Variants in RP1 observed in about 807,000 individuals in gnomAD.
RP1 encodes the protein oxygen-regulated protein 1.
Under a neutral mutation model 14.8 loss-of-function variants are expected in RP1, and 16 were observed. That is an observed-to-expected ratio of 1.08 (90% CI 0.73 to 1.65). RP1 has a LOEUF of 1.65. Ranked by LOEUF, RP1 falls within the 40% of genes most tolerant of loss-of-function variation. The pLI, the probability that RP1 is intolerant of heterozygous loss-of-function variation, is 0.00. For synonymous variants in RP1, 876 were observed against 883.6 expected (o/e 0.99, Z 0.15); for missense variants, 2,631 against 2,535.0 (o/e 1.04, Z -0.81).
intron 24 of RP1, among the ~76,000 whole-genome samples, chr8:54,796,933 C>T (rs1345613350): frequency 2.8e-4 from 43 of 152,224 alleles, no homozygotes; most frequent in Non-Finnish European, 2.9e-5. Flanking sequence ...AGCCATTTTA[C>T]TAATCTTGCT....
intron 1 of RP1, among the ~76,000 whole-genome samples, chr8:54,602,403 A>C (rs916056220): frequency 2.2e-4 from 34 of 152,326 alleles, no homozygotes; most frequent in African/African-American, 7.7e-4. Flanking sequence ...TCCAAGGTGT[A>C]TATGTGCCAC....
chr8:54,585,580 C>T lies in RP1; in HGVS notation c.-13+26260C>T, dbSNP rs552446621. On this transcript the variant is annotated intron_variant, in intron 1 of 22. Coordinates refer to the RP1 transcript ENST00000636932. ...TTGGGGCAGTTCTCCTGGATAATAT[C>T]CTGCAGAGTGTTTTCCAACTTGGTT... is the stretch of plus-strand genomic sequence containing the variant. Among the ~76,000 whole-genome samples, 313 of 152,310 alleles carry T rather than the reference C, an allele frequency of 2.1e-3. 2 individuals carry two copies. The highest frequency in any genetic ancestry group is 7.1e-3 in the African/African-American group (295 of 41,570).
chr8:54,815,771 A>C (rs1270017142), intron 24 of RP1, among the ~76,000 whole-genome samples: 1 of 152,198 alleles, frequency 6.6e-6, no homozygotes, highest in Non-Finnish European at 1.5e-5. Context: ...TTTTAAAAAT[A>C]GATGTCTGAC....
chr8:54,823,092 T>C (rs1490810863), intron 24 of RP1, among the ~76,000 whole-genome samples: 1 of 152,066 alleles, frequency 6.6e-6, no homozygotes, highest in Non-Finnish European at 1.5e-5. Context: ...ATCAGGTGTA[T>C]AGCACTCGTG....
chr8:54,713,006 G>A (rs1215895394), intron 15 of RP1, among the ~76,000 whole-genome samples: 1 of 151,942 alleles, frequency 6.6e-6, no homozygotes, highest in Non-Finnish European at 1.5e-5. Context: ...AAGGTAAATG[G>A]TAATGCATGG....
At chr8:54,695,417 A>G (rs1807835409) in intron 12 of RP1, among the ~76,000 whole-genome samples, 1 of 152,068 alleles carries the variant, frequency 6.6e-6, no homozygotes, top group African/African-American at 2.4e-5. Context: ...ATAAACTTTA[A>G]AATAAAGAAA....
downstream of RP1, among the ~76,000 whole-genome samples, chr8:54,634,343 C>T (rs538853121): frequency 6.6e-6 from 1 of 152,232 alleles, no homozygotes; most frequent in East Asian, 1.9e-4. Flanking sequence ...ATAAGAAATG[C>T]TGAAATGAAT....
intron 24 of RP1, chr8:54,783,712 TA>T: frequency 8.1e-7 from 1 of 1,229,372 alleles, no homozygotes; most frequent in Non-Finnish European, 1.0e-6. Context: ...ATATTCAAGG[TA>T]AAAATGATAC....
chr8:54,726,461 C>A (rs1006909794), exon 17 of RP1: 1 of 1,529,700 alleles, frequency 6.5e-7, no homozygotes, highest in Non-Finnish European at 8.7e-7. Context: ...GAGTCCCTTA[C>A]CTTCTTCAAC....
At chr8:54,677,507 G>T (rs1807318666) in intron 8 of RP1, among the ~76,000 whole-genome samples, 1 of 152,138 alleles carries the variant, frequency 6.6e-6, no homozygotes, top group African/African-American at 2.4e-5. Context: ...TGTGAGGATT[G>T]CTTGAGGCCA....
At chr8:54,574,484 C>T (rs1032323081) in intron 1 of RP1, among the ~76,000 whole-genome samples, 13 of 151,896 alleles carry the variant, frequency 8.6e-5, no homozygotes, top group African/African-American at 1.7e-4. Flanking sequence ...GATGGCATTC[C>T]GAGCAGAGGG....
chr8:54,696,935 T>C, intron 12 of RP1: 1 of 972,996 alleles, frequency 1.0e-6, no homozygotes, highest in South Asian at 1.3e-5. Flanking sequence ...CCTGGGGAAG[T>C]TTGACATCAT....
intron 15 of RP1, among the ~76,000 whole-genome samples, chr8:54,710,006 A>G (rs1808257596): frequency 1.3e-5 from 2 of 152,184 alleles, no homozygotes; most frequent in African/African-American, 4.8e-5. Context: ...TGGCCATGCC[A>G]TCAGGGCCCC....
At chr8:54,597,332 G>A (rs1272426833) in intron 1 of RP1, among the ~76,000 whole-genome samples, 4 of 152,090 alleles carry the variant, frequency 2.6e-5, no homozygotes, top group Non-Finnish European at 4.4e-5. Flanking sequence ...TTCATTTAAA[G>A]CATTAACATG....
At chr8:54,640,004 T>C (rs1198556389) in intron 3 of RP1, among the ~76,000 whole-genome samples, 2 of 152,144 alleles carry the variant, frequency 1.3e-5, no homozygotes, top group Non-Finnish European at 2.9e-5. Context: ...AAGTCTTATC[T>C]AAGAAATCTC....
At chr8:54,853,986 GAAGA>G (rs1006504574) in intron 26 of RP1, among the ~76,000 whole-genome samples, 1 of 150,092 alleles carries the variant, frequency 6.7e-6, no homozygotes, top group Non-Finnish European at 1.5e-5. Flanking sequence ...AGAAAGAAAG[GAAGA>G]AAGAAAGAAA....
At chr8:54,820,891 A>G (rs887039376) in intron 24 of RP1, among the ~76,000 whole-genome samples, 18 of 152,174 alleles carry the variant, frequency 1.2e-4, no homozygotes, top group African/African-American at 4.3e-4. Context: ...TCAGAAGAGT[A>G]AAAGAAGACA....
In RP1 at chr8:54,628,343, G is replaced by C. The variant is rs765053199; in HGVS notation, c.4461G>C (p.Glu1487Asp). 3.7e-6 allele frequency: 6 copies of C among 1,613,756 alleles called. No homozygotes were observed. In the Middle Eastern group the frequency reaches 8.2e-4, roughly 222 times the overall value. ...TTAATACAGTGGTAAATGGAGGAGA[G>C]CAAGCCACTGAAGAATTAATCCAAG... is the stretch of plus-strand genomic sequence containing the variant. ...DIFNTVVNGG[E>D]QATEELIQEE... Residue 1487 changes from glutamate to aspartate, a missense_variant, in exon 4 of 4, where the codon GAG (glutamate) becomes GAC (aspartate). Coordinates refer to ENST00000220676, the MANE Select transcript of RP1 (RefSeq NM_006269.2).
In RP1 at chr8:54,804,043, G is replaced by A. The variant is rs148437352; in HGVS notation, c.3615+20333G>A. ...AGATCACCCCACTGCACTCCAGCCT[G>A]GGCAACAGAGTGAGACTCTATCTCA... On this transcript the variant is annotated intron_variant, in intron 24 of 28. Transcript: ENST00000637698. 2.9e-3 allele frequency among the ~76,000 whole-genome samples: 433 copies of A among 151,820 alleles called. 3 individuals carry two copies. Among genetic ancestry groups the A allele is most frequent in the African/African-American group, 0.01 (416 of 41,418 alleles).
Sources: gnomAD v4.1 joint callset for allele counts (sites outside exome capture counted in the v4.1 genomes callset) on GRCh38, gnomAD v4.1.1 for gene constraint, MANE v1.5 for transcripts, NCBI Gene and HGNC (gene_info 2026-07-23, HGNC 2026-07-21) for gene names.